Variants in CTPS2 observed in about 807,000 individuals in gnomAD.
The protein encoded by CTPS2 is CTP synthase II.
CTPS2 carries 19 observed loss-of-function variants against 46.8 expected under a neutral mutation model. The ratio of observed to expected loss-of-function variants is 0.41; its 90% CI spans 0.28 to 0.60. The LOEUF (loss-of-function observed/expected upper bound fraction) is 0.60, where lower values mean the gene tolerates loss of function less well. Ranked by LOEUF, CTPS2 falls within the 20% of genes least tolerant of loss-of-function variation. The probability of loss-of-function intolerance (pLI) is 0.35; values close to 1 mark genes in which losing one functional copy is unlikely to be tolerated. For synonymous variants in CTPS2, 151 were observed against 165.2 expected (o/e 0.91, Z 0.66); for missense variants, 286 against 447.6 (o/e 0.64, Z 3.26).
intron 8 of CTPS2, among the ~76,000 whole-genome samples, chrX:16,685,362 G>C (rs1196776649): frequency 9.0e-6 from 1 of 111,459 alleles, no homozygotes; most frequent in Non-Finnish European, 1.9e-5. Flanking sequence ...GTACAGGTGA[G>C]TCCACTGGGT....
intron 2 of CTPS2, among the ~76,000 whole-genome samples, chrX:16,701,196 G>A (rs772650536): frequency 2.7e-5 from 3 of 111,613 alleles, no homozygotes; most frequent in Non-Finnish European, 5.6e-5. Context: ...AAAACAATAA[G>A]ATACCCTCTT....
intron 14 of CTPS2, among the ~76,000 whole-genome samples, chrX:16,627,970 C>T (rs1343233911): frequency 9.0e-6 from 1 of 111,629 alleles, no homozygotes; most frequent in Non-Finnish European, 1.9e-5. Context: ...GACTTTCTAA[C>T]AAGTGACCTG....
intron 6 of CTPS2, among the ~76,000 whole-genome samples, 159 bp downstream of exon 6, chrX:16,692,982 A>T (rs1923817871): frequency 9.2e-6 from 1 of 108,121 alleles, no homozygotes; most frequent in African/African-American, 3.4e-5. Flanking sequence ...GCTTGAACCC[A>T]GGAGGCGGAG....
At chrX:16,649,049 C>T (rs765326077) in intron 13 of CTPS2, among the ~76,000 whole-genome samples, 2 of 112,184 alleles carry the variant, frequency 1.8e-5, no homozygotes, top group Non-Finnish European at 3.8e-5. Flanking sequence ...AGATCAATGT[C>T]CCTTGGAAAT....
chrX:16,676,887 C>T (rs1025709783), intron 10 of CTPS2, among the ~76,000 whole-genome samples: 1 of 110,268 alleles, frequency 9.1e-6, no homozygotes, highest in Non-Finnish European at 1.9e-5. Context: ...TGGTGAAACC[C>T]GTCTTTACTA....
intron 13 of CTPS2, among the ~76,000 whole-genome samples, chrX:16,666,128 C>T (rs1344920260): frequency 2.7e-5 from 3 of 111,892 alleles, no homozygotes; most frequent in Admixed American, 9.5e-5. Context: ...AAACCAATCG[C>T]GATTGTGAGG....
intron 17 of CTPS2, among the ~76,000 whole-genome samples, chrX:16,608,582 A>T (rs763484982): frequency 1.3e-4 from 15 of 112,082 alleles, no homozygotes; most frequent in Non-Finnish European, 2.1e-4. Flanking sequence ...TGACAGAGCC[A>T]GACCTTATCT....
intron 10 of CTPS2, among the ~76,000 whole-genome samples, chrX:16,670,877 C>T (rs890586174): frequency 3.6e-5 from 4 of 111,539 alleles, no homozygotes; most frequent in African/African-American, 6.5e-5. Flanking sequence ...CAATTTCTCA[C>T]AACTGACCTC....
At chrX:16,596,188 G>GTT (rs113800057) in intron 17 of CTPS2, among the ~76,000 whole-genome samples, 6 of 104,032 alleles carry the variant, frequency 5.8e-5, no homozygotes, top group Admixed American at 2.1e-4. Context: ...GTTTTTTTTT[G>GTT]TTTTTTTTTT....
At position 16,589,424 on chromosome X, in the gene CTPS2, T is replaced by C. The variant is rs187023858; in HGVS notation, c.*393A>G. 12 of 112,438 alleles carry C rather than the reference T, an allele frequency of 1.1e-4. No homozygotes were observed. In the East Asian group the frequency reaches 3.1e-3, roughly 29 times the overall value. 9.3% of individuals were successfully genotyped at this position (112,438 alleles called of 1,213,427 possible). A position where few individuals can be genotyped will look rare whatever the true frequency, so the allele number is the denominator to read the frequency against. On this transcript the variant is annotated 3_prime_UTR_variant, in exon 19 of 19. Coordinates refer to ENST00000359276, the MANE Select transcript of CTPS2 (RefSeq NM_175859.3). ...AGTGACTCATTTTCTTACTCAAAAT[T>C]ACTTACAGCATGTTCCCTGCCATCC...
chrX:16,591,785 C>T (rs773708712), intron 17 of CTPS2, among the ~76,000 whole-genome samples: 1 of 111,156 alleles, frequency 9.0e-6, no homozygotes, highest in Non-Finnish European at 1.9e-5. Flanking sequence ...TCAAAAGGCC[C>T]TCAGGTGAGA....
chrX:16,593,025 TCTA>T (rs1241422801), intron 17 of CTPS2, among the ~76,000 whole-genome samples: 1 of 111,475 alleles, frequency 9.0e-6, no homozygotes, highest in African/African-American at 3.3e-5. Flanking sequence ...AGCACACTGA[TCTA>T]CTCCACTAGA....
At chrX:16,664,702 T>TC (rs1350759390) in intron 13 of CTPS2, among the ~76,000 whole-genome samples, 1 of 111,596 alleles carries the variant, frequency 9.0e-6, no homozygotes, top group Non-Finnish European at 1.9e-5. Context: ...GAACTAGATT[T>TC]CTCTAAATCA....
chrX:16,650,881 AT>A, intron 13 of CTPS2: 1 of 572,507 alleles, frequency 1.7e-6, no homozygotes. Context: ...TCTTTTCCTT[AT>A]TCTTCCCCAT....
chrX:16,590,414 C>G (rs760843010), intron 18 of CTPS2, among the ~76,000 whole-genome samples: 1 of 111,879 alleles, frequency 8.9e-6, no homozygotes. Context: ...GCCGCAGGAA[C>G]TGCATGGCTC....
intron 14 of CTPS2, among the ~76,000 whole-genome samples, chrX:16,624,133 G>A (rs139959576): frequency 0.063 from 6,945 of 110,386 alleles, 226 homozygotes; most frequent in Middle Eastern, 0.11. Flanking sequence ...AGATAAGCAG[G>A]TACTCAATAA....
intron 16 of CTPS2, among the ~76,000 whole-genome samples, chrX:16,614,683 G>A (rs945601171): frequency 8.9e-6 from 1 of 111,974 alleles, no homozygotes; most frequent in Non-Finnish European, 1.9e-5. Context: ...GGCTAAGGAG[G>A]GAAGAGGCCT....
chrX:16,699,064 C>A lies in CTPS2; in HGVS notation c.196G>T (p.Glu66Ter). ...GEVFVLNDGG[E>*]VDLDLGNYER... Reference sequence around the variant, plus strand: ...TAATTTCCAAGGTCTAAATCAACTTCTCCACCATCATTTAAGACGAAGACT... The same window carrying A: ...TAATTTCCAAGGTCTAAATCAACTTATCCACCATCATTTAAGACGAAGACT... The change falls in exon 3 of 19, where the codon GAA becomes TAA. Residue 66 changes from glutamate (E) to a stop codon, truncating the protein, a stop_gained. Coordinates refer to ENST00000359276, the MANE Select transcript of CTPS2 (RefSeq NM_175859.3). LOFTEE classifies it high-confidence loss of function. 8.6e-7 allele frequency: 1 copy of A among 1,169,464 alleles called. No homozygotes were observed. Among genetic ancestry groups the A allele is most frequent in the Admixed American group, 2.6e-5 (1 of 38,993 alleles).
At chrX:16,660,591 A>G (rs1932924418) in intron 13 of CTPS2, among the ~76,000 whole-genome samples, 1 of 110,494 alleles carries the variant, frequency 9.1e-6, no homozygotes. Flanking sequence ...TAGTAGAGAC[A>G]GGATTTCACC....
Sources: gnomAD v4.1 joint callset for allele counts (sites outside exome capture counted in the v4.1 genomes callset) on GRCh38, gnomAD v4.1.1 for gene constraint, MANE v1.5 for transcripts, NCBI Gene and HGNC (gene_info 2026-07-23, HGNC 2026-07-21) for gene names.